The following GPC5 variants were observed in gnomAD, a reference collection of about 807,000 sequenced individuals.
The protein encoded by GPC5 is glypican-5.
In GPC5, 47 loss-of-function variants were observed where a neutral mutation model predicts 53.9. The observed-to-expected ratio is 0.87, with a 90% CI of 0.69 to 1.11. The LOEUF (loss-of-function observed/expected upper bound fraction) is 1.11, where lower values mean the gene tolerates loss of function less well. GPC5 is among the 50% of genes most tolerant of loss of function. The pLI is 0.00. For synonymous variants in GPC5, 286 were observed against 263.3 expected (o/e 1.09, Z -0.84); for missense variants, 748 against 713.1 (o/e 1.05, Z -0.56).
At chr13:91,720,810 CAG>C (rs1209107762) in intron 3 of GPC5, among the ~76,000 whole-genome samples, 3 of 152,084 alleles carry the variant, frequency 2.0e-5, no homozygotes, top group African/African-American at 7.2e-5. Flanking sequence ...CAAAAGATAC[CAG>C]AGATTCATGA....
chr13:92,115,785 T>C (rs1315764290), intron 6 of GPC5, among the ~76,000 whole-genome samples: 1 of 152,196 alleles, frequency 6.6e-6, no homozygotes, highest in East Asian at 1.9e-4. Flanking sequence ...TTTTCCAGGC[T>C]ATGGGCTGAT....
intron 7 of GPC5, among the ~76,000 whole-genome samples, chr13:92,598,458 A>G (rs1186815876): frequency 6.6e-6 from 1 of 151,768 alleles, no homozygotes; most frequent in South Asian, 2.1e-4. Flanking sequence ...AAAGCTTTTC[A>G]ACTTGTTTTT....
chr13:92,476,065 C>T (rs1365968004), intron 7 of GPC5, among the ~76,000 whole-genome samples: 2 of 152,042 alleles, frequency 1.3e-5, no homozygotes, highest in East Asian at 1.9e-4. Context: ...AACTAAAGAG[C>T]TTCTGCACAG....
intron 2 of GPC5, among the ~76,000 whole-genome samples, chr13:91,644,111 G>T (rs1278441087): frequency 6.6e-6 from 1 of 152,010 alleles, no homozygotes; most frequent in Non-Finnish European, 1.5e-5. Context: ...ATTTTTAATT[G>T]TGACTACTAG....
intron 7 of GPC5, among the ~76,000 whole-genome samples, chr13:92,744,256 C>G (rs1889184754): frequency 6.6e-6 from 1 of 151,758 alleles, no homozygotes; most frequent in African/African-American, 2.4e-5. Flanking sequence ...GTACATAGAG[C>G]TGAAATCTAC....
At chr13:92,393,754 AT>A (rs60570364) in intron 7 of GPC5, among the ~76,000 whole-genome samples, 3,448 of 152,274 alleles carry the variant, frequency 0.023, 143 homozygotes, top group African/African-American at 0.079. Context: ...AAAGGTAACT[AT>A]TGGGTACTGG....
chr13:92,471,769 A>G (rs980894701), intron 7 of GPC5, among the ~76,000 whole-genome samples: 1 of 152,058 alleles, frequency 6.6e-6, no homozygotes, highest in Non-Finnish European at 1.5e-5. Flanking sequence ...CACTTTTGTG[A>G]GGATTTGTGT....
At chr13:91,632,050 A>T (rs559395240) in intron 2 of GPC5, among the ~76,000 whole-genome samples, 1 of 152,290 alleles carries the variant, frequency 6.6e-6, no homozygotes, top group South Asian at 2.1e-4. Context: ...GTAAAACCTC[A>T]GAAAGCCAAC....
intron 7 of GPC5, among the ~76,000 whole-genome samples, chr13:92,308,043 C>A (rs1403125646): frequency 6.6e-6 from 1 of 152,250 alleles, no homozygotes; most frequent in Admixed American, 6.5e-5. Flanking sequence ...TCATATAGAT[C>A]ATTTTCAAGG....
At chr13:92,479,813 G>A (rs191927417) in intron 7 of GPC5, among the ~76,000 whole-genome samples, 17 of 152,220 alleles carry the variant, frequency 1.1e-4, no homozygotes, top group African/African-American at 2.6e-4. Context: ...ATTATTTTTC[G>A]GAGAAAATCT....
chr13:91,825,234 T>C (rs2038558542), intron 5 of GPC5, among the ~76,000 whole-genome samples: 1 of 152,060 alleles, frequency 6.6e-6, no homozygotes, highest in African/African-American at 2.4e-5. Context: ...TGATTTTTAT[T>C]CTGTACCTAA....
intron 5 of GPC5, among the ~76,000 whole-genome samples, chr13:91,900,860 AT>A (rs1185935104): frequency 6.6e-6 from 1 of 152,060 alleles, no homozygotes; most frequent in African/African-American, 2.4e-5. Context: ...TATCTTTCAA[AT>A]TCACACAGAT....
rs542469509 is a variant in GPC5 at position 92,140,046 on chromosome 13, G to A, written c.1402-4784G>A. ...GAAAGTGGATTAAGTGCAAGTAAACGATGCAGAGTTAAAATTATCACAGAA... is the reference window on the plus strand; with the variant it reads ...GAAAGTGGATTAAGTGCAAGTAAACAATGCAGAGTTAAAATTATCACAGAA... On this transcript the variant is annotated intron_variant, in intron 6 of 7. Transcript: ENST00000377067. Among the ~76,000 whole-genome samples, 10 of 152,268 alleles carry A rather than the reference G, an allele frequency of 6.6e-5. No homozygotes were observed. In the South Asian group the frequency reaches 1.4e-3, roughly 22 times the overall value.
At chr13:92,815,397 T>G (rs1877434330) in intron 7 of GPC5, among the ~76,000 whole-genome samples, 1 of 151,950 alleles carries the variant, frequency 6.6e-6, no homozygotes, top group Non-Finnish European at 1.5e-5. Flanking sequence ...TACAAAATCC[T>G]GAGGCAAGAA....
In GPC5 at chr13:91,459,727, A is replaced by G. The variant is rs555680209; in HGVS notation, c.325+10805A>G. Among the ~76,000 whole-genome samples the G allele has an allele frequency of 2.9e-4, 44 of 152,244 alleles. 1 individual carries two copies. The highest frequency in any genetic ancestry group is 1.0e-3 in the African/African-American group (43 of 41,564). ...GGAGGCTAAGCTTATACAGGGTAGAAGAGTAATTAATGGTCTTGGAAGAGC... is the reference window on the plus strand; with the variant it reads ...GGAGGCTAAGCTTATACAGGGTAGAGGAGTAATTAATGGTCTTGGAAGAGC... On this transcript the variant is annotated intron_variant, in intron 2 of 7. Coordinates refer to ENST00000377067, the MANE Select transcript of GPC5 (RefSeq NM_004466.6).
intron 7 of GPC5, among the ~76,000 whole-genome samples, chr13:92,393,210 T>C (rs1875104139): frequency 6.6e-6 from 1 of 151,958 alleles, no homozygotes; most frequent in Non-Finnish European, 1.5e-5. Flanking sequence ...CACAGAATAC[T>C]ATGCAGCCAT....
At chr13:91,592,063 T>C (rs927452939) in intron 2 of GPC5, among the ~76,000 whole-genome samples, 27 of 151,984 alleles carry the variant, frequency 1.8e-4, no homozygotes, top group African/African-American at 6.0e-4. Context: ...TCTGGGAGGG[T>C]TGGTGTTTCT....
rs143500927 is a variant in GPC5, at chr13:92,161,549, A to G, written c.1561+16560A>G. Among the ~76,000 whole-genome samples, 342 of 152,304 alleles carry G rather than the reference A, an allele frequency of 2.2e-3. 2 individuals carry two copies. The highest frequency in any genetic ancestry group is 0.019 in the Admixed American group (296 of 15,288). The stretch of plus-strand genomic sequence containing the variant: ...AGTATGTGTATATTCAAAAGATCAA[A>G]ACTGAGTTAAAATACAGAGTAAATT... On this transcript the variant is annotated intron_variant, in intron 7 of 7. Transcript: ENST00000377067.
intron 7 of GPC5, among the ~76,000 whole-genome samples, chr13:92,525,755 T>C (rs9584036): frequency 0.034 from 5,182 of 152,092 alleles, 256 homozygotes; most frequent in African/African-American, 0.1. Context: ...GGAGCTCACT[T>C]CTGGCACTAG....
Sources: gnomAD v4.1 joint callset for allele counts (sites outside exome capture counted in the v4.1 genomes callset) on GRCh38, gnomAD v4.1.1 for gene constraint, MANE v1.5 for transcripts, NCBI Gene and HGNC (gene_info 2026-07-23, HGNC 2026-07-21) for gene names.